The following PRKAG2 variants were observed in gnomAD, a reference collection of about 807,000 sequenced individuals.
The protein encoded by PRKAG2 is protein kinase AMP-activated non-catalytic subunit gamma 2.
Under a neutral mutation model 69.6 loss-of-function variants are expected in PRKAG2, and 26 were observed. The observed-to-expected ratio is 0.37, with a 90% CI of 0.27 to 0.52. PRKAG2 has a LOEUF of 0.52. Ranked by LOEUF, PRKAG2 falls within the 20% of genes least tolerant of loss-of-function variation. The probability of loss-of-function intolerance (pLI) is 0.90; values close to 1 mark genes in which losing one functional copy is unlikely to be tolerated. For synonymous variants in PRKAG2, 293 were observed against 285.0 expected (o/e 1.03, Z -0.28); for missense variants, 557 against 740.0 (o/e 0.75, Z 2.87).
Position 151,675,435 on chromosome 7 carries a change from A to G in PRKAG2, c.669T>C (p.Tyr223=). The G allele has an allele frequency of 6.2e-7, 1 of 1,613,834 alleles. No homozygotes were observed. The highest frequency in any genetic ancestry group is 2.2e-5 in the East Asian group (1 of 44,862). Residue 223 remains tyrosine, a synonymous_variant, in exon 4 of 16, where the codon TAT becomes TAC. Coordinates refer to ENST00000287878, the MANE Select transcript of PRKAG2 (RefSeq NM_016203.4). Reference sequence around the variant, plus strand: ...CCAGACTTACGGCTTTGGAGGGAGCATAGTGTGTCGGTGATGCCAGTGGAG... The same window carrying G: ...CCAGACTTACGGCTTTGGAGGGAGCGTAGTGTGTCGGTGATGCCAGTGGAG... ...TRPPLASPTH[Y]APSKAAALAA... is the part of the protein sequence containing the mutation.
intron 3 of PRKAG2, among the ~76,000 whole-genome samples, chr7:151,737,183 TGAACTAAGACAA>T: frequency 6.6e-6 from 1 of 151,962 alleles, no homozygotes; most frequent in Non-Finnish European, 1.5e-5. Context: ...TCCCCCTTAG[TGAACTAAGACAA>T]GACCAGGTCA....
chr7:151,646,080 C>A (rs1392907417), intron 4 of PRKAG2, among the ~76,000 whole-genome samples: 1 of 152,052 alleles, frequency 6.6e-6, no homozygotes, highest in Non-Finnish European at 1.5e-5. Flanking sequence ...TCATCATGAC[C>A]ACACTGTTTT....
chr7:151,863,866 C>T (rs1470820523), intron 1 of PRKAG2, among the ~76,000 whole-genome samples: 4 of 151,282 alleles, frequency 2.6e-5, no homozygotes, highest in Middle Eastern at 3.2e-3. Context: ...TTCGCACCAC[C>T]GCACTCCAGC....
chr7:151,598,400 A>G (rs140074416), intron 5 of PRKAG2, among the ~76,000 whole-genome samples: 5 of 152,310 alleles, frequency 3.3e-5, no homozygotes, highest in African/African-American at 1.2e-4. Context: ...TATAGTTAAC[A>G]ATAACGTATT....
intron 6 of PRKAG2, among the ~76,000 whole-genome samples, chr7:151,581,306 A>G (rs1256908765): frequency 6.6e-6 from 1 of 152,254 alleles, no homozygotes; most frequent in Admixed American, 6.5e-5. Flanking sequence ...CATTTATTGC[A>G]TGGTTTAATT....
At chr7:151,793,718 C>T (rs1262928812) in intron 1 of PRKAG2, among the ~76,000 whole-genome samples, 1 of 152,234 alleles carries the variant, frequency 6.6e-6, no homozygotes, top group Non-Finnish European at 1.5e-5. Context: ...GGAGGTGCCT[C>T]TGGACAGGCC....
At chr7:151,753,851 T>C (rs1444931222) in intron 3 of PRKAG2, among the ~76,000 whole-genome samples, 1 of 152,012 alleles carries the variant, frequency 6.6e-6, no homozygotes, top group Non-Finnish European at 1.5e-5. Flanking sequence ...CTGGGCAACA[T>C]GGCAAAACCC....
In PRKAG2 at chr7:151,558,371, G is replaced by A. The variant is rs1326783693; in HGVS notation, c.1679-1139C>T. ...TAACAGTGCAGGTCCCGGGCACTGCGCCTCATTGCACACACATGGCTTTTG... is the reference window on the plus strand; with the variant it reads ...TAACAGTGCAGGTCCCGGGCACTGCACCTCATTGCACACACATGGCTTTTG... On this transcript the variant is annotated intron_variant, in intron 15 of 15. Transcript: ENST00000287878. 10 of 985,200 alleles carry A rather than the reference G, an allele frequency of 1.0e-5. No individual in the cohort carries two copies. In the South Asian group the frequency reaches 1.9e-4, roughly 19 times the overall value. 61.0% of individuals were successfully genotyped at this position (985,200 alleles called of 1,614,324 possible).
Position 151,856,697 on chromosome 7 carries a change from C to T in PRKAG2, c.114+19810G>A, listed in dbSNP as rs574347700. 5.3e-5 allele frequency among the ~76,000 whole-genome samples: 8 copies of T among 152,230 alleles called. No individual in the cohort carries two copies. The South Asian group carries it at 1.2e-3, about 24-fold the overall frequency. On this transcript the variant is annotated intron_variant, in intron 1 of 15. Transcript: ENST00000287878. ...CACCGAATATAACTCAGTGAATGCCCGCATCTGAAAAACAAGACCAGCCAC... is the reference window on the plus strand; with the variant it reads ...CACCGAATATAACTCAGTGAATGCCTGCATCTGAAAAACAAGACCAGCCAC...
In PRKAG2 at chr7:151,814,248, T is replaced by C. The variant is rs1366147146; in HGVS notation, c.115-27707A>G. Reference sequence around the variant, plus strand: ...TCCGTGGAGAGAAGGAACATTTTGCTCAGCCTTGGGGTATCTGATTTAATA... The same window carrying C: ...TCCGTGGAGAGAAGGAACATTTTGCCCAGCCTTGGGGTATCTGATTTAATA... On this transcript the variant is annotated intron_variant, in intron 1 of 15. Coordinates refer to ENST00000287878, the MANE Select transcript of PRKAG2 (RefSeq NM_016203.4). This position sits in a 1 kb window ranked among gnomAD's most constrained non-coding sequence, Gnocchi z 4.8. Among the ~76,000 whole-genome samples, 1 of 152,170 alleles carries C rather than the reference T, an allele frequency of 6.6e-6. No homozygotes were observed. Among genetic ancestry groups the C allele is most frequent in the Non-Finnish European group, 1.5e-5 (1 of 68,024 alleles).
Position 151,675,494 on chromosome 7 carries a change from A to T in PRKAG2, c.610T>A (p.Phe204Ile). The T allele has an allele frequency of 6.2e-7, 1 of 1,614,020 alleles. No individual in the cohort carries two copies. The highest frequency in any genetic ancestry group is 8.5e-7 in the Non-Finnish European group (1 of 1,179,976). ...SSSPPDTGQR[F>I]CPSSFQSPTR... ...GGGCTCTGGAAGGAAGACGGGCAGA[A>T]CCTCTGCCCTGTGTCCGGGGGGGAA... The change falls in exon 4 of 16, where the codon TTC becomes ATC. Residue 204 changes from phenylalanine to isoleucine, a missense_variant. By Grantham distance (21) the Phe-to-Ile change is conservative (BLOSUM62 0). This residue lies in a region of PRKAG2 where 352 missense variants were observed against 356.7 expected (regional missense o/e 0.99). Coordinates refer to ENST00000287878, the MANE Select transcript of PRKAG2 (RefSeq NM_016203.4).
chr7:151,627,289 C>G (rs1450234088), intron 5 of PRKAG2, among the ~76,000 whole-genome samples: 2 of 152,118 alleles, frequency 1.3e-5, no homozygotes, highest in African/African-American at 4.8e-5. Context: ...CTACTTTTAC[C>G]TATTTTGATC....
chr7:151,710,306 CCT>C (rs904422200), intron 3 of PRKAG2, among the ~76,000 whole-genome samples: 4 of 152,172 alleles, frequency 2.6e-5, no homozygotes, highest in East Asian at 1.9e-4. Flanking sequence ...GCGTGGCACC[CCT>C]GTCCCCCAGC....
At chr7:151,787,586 G>A (rs944030603) in intron 1 of PRKAG2, among the ~76,000 whole-genome samples, 4 of 152,090 alleles carry the variant, frequency 2.6e-5, no homozygotes, top group African/African-American at 4.8e-5. Flanking sequence ...ACCACATTCC[G>A]CTTACGCATT....
chr7:151,778,855 TACC>T (rs1469999317), intron 3 of PRKAG2, among the ~76,000 whole-genome samples: 3 of 152,228 alleles, frequency 2.0e-5, no homozygotes, highest in Admixed American at 2.0e-4. Flanking sequence ...ACTTAGAAGC[TACC>T]ACTAGCAGTC....
intron 3 of PRKAG2, among the ~76,000 whole-genome samples, chr7:151,768,073 G>A (rs1236153210): frequency 1.3e-5 from 2 of 152,218 alleles, no homozygotes; most frequent in Admixed American, 1.3e-4. Flanking sequence ...TCAGAATAAA[G>A]AGCAGGGGAG....
intron 3 of PRKAG2, among the ~76,000 whole-genome samples, chr7:151,703,514 T>C (rs1469207760): frequency 6.5e-5 from 8 of 123,694 alleles, no homozygotes; most frequent in Non-Finnish European, 1.2e-4. Flanking sequence ...TAAAAAATGT[T>C]TTATGGAGCA....
chr7:151,684,058 C>T (rs150192406), intron 3 of PRKAG2, among the ~76,000 whole-genome samples: 41 of 152,316 alleles, frequency 2.7e-4, no homozygotes, highest in East Asian at 2.5e-3. Context: ...CCTCCAGGGC[C>T]GCTGGAGCTG....
chr7:151,706,231 CT>C (rs1838580173), intron 3 of PRKAG2, among the ~76,000 whole-genome samples: 1 of 152,242 alleles, frequency 6.6e-6, no homozygotes, highest in African/African-American at 2.4e-5. Flanking sequence ...GGAGACCAAG[CT>C]CCTGACTGCT....
Sources: gnomAD v4.1 joint callset for allele counts (sites outside exome capture counted in the v4.1 genomes callset) on GRCh38, gnomAD v4.1.1 for gene constraint, gnomAD v4.1.1 regional missense constraint, Gnocchi (gnomAD v3.1) non-coding constraint, MANE v1.5 for transcripts, NCBI Gene and HGNC (gene_info 2026-07-23, HGNC 2026-07-21) for gene names.